ARL17B: variants seen among roughly 807,000 people sequenced by gnomAD.
The protein encoded by ARL17B is ADP-ribosylation factor-like protein 17.
At chr17:46,317,106 C>G (rs1388472644) in intron 3 of ARL17B, among the ~76,000 whole-genome samples, 1 of 86,210 alleles carries the variant, frequency 1.2e-5, no homozygotes, top group Non-Finnish European at 3.5e-5. Flanking sequence ...CATCATGGCC[C>G]GTTCTCAATG....
intron 4 of ARL17B, among the ~76,000 whole-genome samples, chr17:46,283,545 TA>T (rs1486593200): frequency 6.6e-6 from 1 of 152,240 alleles, no homozygotes; most frequent in Non-Finnish European, 1.5e-5. Context: ...GCTCTAGTAA[TA>T]AGTTACCTAA....
downstream of ARL17B, among the ~76,000 whole-genome samples, chr17:46,298,723 C>CAA (rs1189992034): frequency 7.4e-4 from 30 of 40,352 alleles, no homozygotes; most frequent in Non-Finnish European, 1.0e-3. Context: ...GACTCCATCT[C>CAA]AAAAAAAAAA....
In ARL17B at chr17:46,340,189, ATTCAGGAGTTTTGTTTGTTTT is replaced by A. The variant is rs1363261081; in HGVS notation, c.260-436_260-416del. Among the ~76,000 whole-genome samples the A allele has an allele frequency of 2.1e-5, 2 of 96,538 alleles. 1 individual carries two copies. The highest frequency in any genetic ancestry group is 6.2e-5 in the African/African-American group (2 of 32,360). 63.3% of individuals were successfully genotyped at this position (96,538 alleles called of 152,430 possible). ...CCAGAGAAAAGGTATCCACAGGGAA[ATTCAGGAGTTTTGTTTGTTTT>A]TTTTTCTTTTTTTTTTTCTTTTAAG... On this transcript the variant is annotated intron_variant, in intron 3 of 3. Coordinates refer to ENST00000450673, the MANE Select transcript of ARL17B (RefSeq NM_001039083.5).
At chr17:46,278,268 C>G (rs2696531) in intron 4 of ARL17B, among the ~76,000 whole-genome samples, 14,581 of 151,314 alleles carry the variant, frequency 0.096, 2 homozygotes, top group Middle Eastern at 0.15. Context: ...TTATACTGCT[C>G]TTTCTTGTTT....
intron 4 of ARL17B, among the ~76,000 whole-genome samples, chr17:46,287,280 G>C (rs2049946010): frequency 6.6e-6 from 1 of 152,244 alleles, no homozygotes; most frequent in South Asian, 2.1e-4. Context: ...GAATGAATGT[G>C]TGCAAAACTG....
chr17:46,292,130 A>C (rs2050089886), intron 4 of ARL17B, among the ~76,000 whole-genome samples: 1 of 136,596 alleles, frequency 7.3e-6, no homozygotes, highest in Non-Finnish European at 1.6e-5. Flanking sequence ...TCAGGAGTTC[A>C]AGACCAGCTT....
intron 3 of ARL17B, among the ~76,000 whole-genome samples, chr17:46,317,172 A>C (rs1458428025): frequency 1.2e-4 from 10 of 85,014 alleles, no homozygotes; most frequent in Non-Finnish European, 2.1e-4. Flanking sequence ...CGCTCCTCAC[A>C]TCCCAGACGG....
At chr17:46,304,639 T>C (rs2050452632) in intron 3 of ARL17B, among the ~76,000 whole-genome samples, 1 of 66,032 alleles carries the variant, frequency 1.5e-5, no homozygotes, top group Non-Finnish European at 4.6e-5. Flanking sequence ...CTGAAGAAAT[T>C]TTTTTTTATG....
At chr17:46,284,873 T>TC (rs1331554856) in intron 4 of ARL17B, among the ~76,000 whole-genome samples, 3 of 152,180 alleles carry the variant, frequency 2.0e-5, no homozygotes, top group African/African-American at 7.2e-5. Context: ...TCCTTTTATT[T>TC]CCCCCCATTG....
chr17:46,308,974 A>T (rs1397172750), intron 3 of ARL17B, among the ~76,000 whole-genome samples: 1 of 70,268 alleles, frequency 1.4e-5, no homozygotes, highest in Non-Finnish European at 4.2e-5. Context: ...AAAATCCTGA[A>T]ATCATCCCTG....
At chr17:46,280,246 C>T (rs2049724144) in intron 4 of ARL17B, among the ~76,000 whole-genome samples, 1 of 152,192 alleles carries the variant, frequency 6.6e-6, no homozygotes, top group South Asian at 2.1e-4. Context: ...CGCCTGTAAT[C>T]CCAGCTACTT....
intron 3 of ARL17B, among the ~76,000 whole-genome samples, chr17:46,344,387 T>A (rs1266855579): frequency 6.7e-6 from 1 of 149,318 alleles, no homozygotes; most frequent in African/African-American, 2.5e-5. Flanking sequence ...GCTAATGGCT[T>A]CCAAACTGGC....
chr17:46,286,711 G>A (rs1285705764), intron 4 of ARL17B, among the ~76,000 whole-genome samples: 3 of 152,218 alleles, frequency 2.0e-5, no homozygotes, highest in Admixed American at 6.5e-5. Context: ...GAAAAAATCT[G>A]CTTTTTATTT....
chr17:46,287,449 G>A (rs1160060767), intron 4 of ARL17B, among the ~76,000 whole-genome samples: 9 of 152,234 alleles, frequency 5.9e-5, no homozygotes, highest in Non-Finnish European at 1.0e-4. Context: ...ACACCAAGTA[G>A]AAGTTACACT....
intron 4 of ARL17B, among the ~76,000 whole-genome samples, chr17:46,289,785 AT>A (rs1373302015): frequency 1.3e-5 from 2 of 150,308 alleles, no homozygotes; most frequent in Admixed American, 1.3e-4. Flanking sequence ...AGAGTTTTTA[AT>A]TTTTTTAATG....
intron 4 of ARL17B, among the ~76,000 whole-genome samples, chr17:46,289,528 T>C (rs866726225): frequency 4.6e-5 from 7 of 152,118 alleles, no homozygotes; most frequent in African/African-American, 1.2e-4. Flanking sequence ...CTTTTAGAGA[T>C]AGGGTTTCAC....
intron 4 of ARL17B, among the ~76,000 whole-genome samples, chr17:46,279,114 A>C (rs1234237371): frequency 6.6e-6 from 1 of 151,936 alleles, no homozygotes; most frequent in Middle Eastern, 3.4e-3. Flanking sequence ...CATTATTTAC[A>C]TTATTACGAC....
chr17:46,274,489 A>C (rs2049535880), downstream of ARL17B, among the ~76,000 whole-genome samples: 1 of 152,236 alleles, frequency 6.6e-6, no homozygotes, highest in Non-Finnish European at 1.5e-5. Context: ...TGTACATAGC[A>C]GCTCCTTTCA....
chr17:46,279,124 C>T (rs1166966792), intron 4 of ARL17B, among the ~76,000 whole-genome samples: 1 of 151,740 alleles, frequency 6.6e-6, no homozygotes, highest in Non-Finnish European at 1.5e-5. Context: ...ATTATTACGA[C>T]AATGTAAATA....
Sources: gnomAD v4.1 joint callset for allele counts (sites outside exome capture counted in the v4.1 genomes callset) on GRCh38, gnomAD v4.1.1 for gene constraint, MANE v1.5 for transcripts, NCBI Gene and HGNC (gene_info 2026-07-23, HGNC 2026-07-21) for gene names.